DCAF1: variants seen among roughly 807,000 people sequenced by gnomAD.
DCAF1 encodes DDB1 and CUL4 associated factor 1.
In DCAF1, 15 loss-of-function variants were observed where a neutral mutation model predicts 128.0. The observed-to-expected ratio is 0.12, with a 90% CI of 0.08 to 0.18. The LOEUF is 0.18. Ranked by LOEUF, DCAF1 falls within the 10% of genes least tolerant of loss-of-function variation. DCAF1 has a pLI of 1.00. For synonymous variants in DCAF1, 610 were observed against 603.0 expected (o/e 1.01, Z -0.17); for missense variants, 988 against 1,649.5 (o/e 0.60, Z 6.95).
At position 51,398,555 on chromosome 3, in the gene DCAF1, G is replaced by A. The variant is rs1406652492; in HGVS notation, c.*214C>T. The A allele has an allele frequency of 2.2e-5, 13 of 595,736 alleles. No homozygotes were observed. Among genetic ancestry groups the A allele is most frequent in the African/African-American group, 1.5e-4 (8 of 53,360 alleles). The allele number at this position is 595,736 out of a possible 1,614,324, so 36.9% of individuals were successfully genotyped here. A position where few individuals can be genotyped will look rare whatever the true frequency, so the allele number is the denominator to read the frequency against. ...GGTGGATGTGGGGGGTGCAGAGTAG[G>A]GCCTAGTCCCTGTTGTCATTTTTGT... On this transcript the variant is annotated 3_prime_UTR_variant, in exon 25 of 25. Transcript: ENST00000684031.
At position 51,446,993 on chromosome 3, in the gene DCAF1, T is replaced by TAATAATAATAATAATAATAAA. The variant is rs1457860366; in HGVS notation, c.376-3091_376-3090insTTTATTATTATTATTATTATT. Among the ~76,000 whole-genome samples the TAATAATAATAATAATAATAAA allele has an allele frequency of 7.2e-3, 1,063 of 147,502 alleles. 16 individuals carry two copies. Among genetic ancestry groups the TAATAATAATAATAATAATAAA allele is most frequent in the Non-Finnish European group, 8.0e-3 (537 of 66,976 alleles). ...ATAATAATAATAATAATAATAATAA[T>TAATAATAATAATAATAATAAA]AATAATAAAATGTTTTAAATATTTT... On this transcript the variant is annotated intron_variant, in intron 6 of 24. Coordinates refer to ENST00000684031, the MANE Select transcript of DCAF1 (RefSeq NM_001387579.1).
chr3:51,498,005 G>A (rs1553662132), intron 1 of DCAF1, among the ~76,000 whole-genome samples: 1 of 124,952 alleles, frequency 8.0e-6, no homozygotes, highest in Non-Finnish European at 1.6e-5. Context: ...AGCTGAGATC[G>A]CGCCACTGCA....
At chr3:51,441,207 C>A in intron 8 of DCAF1, 136 bp from the exon 9 acceptor site, 1 of 1,156,660 alleles carries the variant, frequency 8.6e-7, no homozygotes, top group Non-Finnish European at 1.2e-6. Context: ...CGTGTAAATG[C>A]ACTTTAATCA....
At chr3:51,446,792 T>C (rs1308950192) in intron 6 of DCAF1, among the ~76,000 whole-genome samples, 1 of 151,104 alleles carries the variant, frequency 6.6e-6, no homozygotes, top group Non-Finnish European at 1.5e-5. Context: ...GAAACCCCCA[T>C]CTTTACTAAA....
intron 6 of DCAF1, among the ~76,000 whole-genome samples, chr3:51,461,613 G>A (rs575388530): frequency 2.1e-3 from 319 of 152,224 alleles, no homozygotes; most frequent in Admixed American, 4.3e-3. Flanking sequence ...ACATTCACAC[G>A]TATGTTTATT....
chr3:51,451,223 G>C (rs146018056), intron 6 of DCAF1, among the ~76,000 whole-genome samples: 1 of 150,200 alleles, frequency 6.7e-6, no homozygotes, highest in African/African-American at 2.4e-5. Flanking sequence ...CAACTAGCCA[G>C]GACTACAGCC....
chr3:51,405,772 C>G (rs1234492596), intron 23 of DCAF1, among the ~76,000 whole-genome samples: 1 of 152,174 alleles, frequency 6.6e-6, no homozygotes, highest in Non-Finnish European at 1.5e-5. Flanking sequence ...CTCTGCTGGT[C>G]AAGTAACTGG....
In DCAF1 at chr3:51,413,943, T is replaced by G; in HGVS notation, c.3931+7A>C. Reference sequence around the variant, plus strand: ...GAAAGAGAATAATGAAGGATAAGGTTTATTACCTCCATACATCACTGTTCC... The same window carrying G: ...GAAAGAGAATAATGAAGGATAAGGTGTATTACCTCCATACATCACTGTTCC... On this transcript the variant is annotated splice_region_variant and intron_variant, in intron 20 of 24. Coordinates refer to ENST00000684031, the MANE Select transcript of DCAF1 (RefSeq NM_001387579.1). 6.5e-7 allele frequency: 1 copy of G among 1,537,580 alleles called. No individual in the cohort carries two copies. Among genetic ancestry groups the G allele is most frequent in the Non-Finnish European group, 8.8e-7 (1 of 1,140,426 alleles).
intron 5 of DCAF1, among the ~76,000 whole-genome samples, chr3:51,466,602 C>T (rs192482017): frequency 2.7e-4 from 41 of 152,112 alleles, no homozygotes; most frequent in Admixed American, 7.2e-4. Flanking sequence ...CAAGAATGAG[C>T]GTAGATACCT....
intron 7 of DCAF1, 25 bp from the exon 8 acceptor site, chr3:51,441,922 A>G: frequency 8.3e-6 from 13 of 1,556,932 alleles, no homozygotes; most frequent in Non-Finnish European, 9.5e-6. Flanking sequence ...TTGGAGAAAA[A>G]GGGGGTGCCT....
rs76946730 is a variant in DCAF1 at position 51,426,608 on chromosome 3, T to C, written c.1847+764A>G. 9.4e-3 allele frequency among the ~76,000 whole-genome samples: 1,432 copies of C among 152,338 alleles called. 28 individuals are homozygous for C. The highest frequency in any genetic ancestry group is 0.033 in the African/African-American group (1,355 of 41,568). On this transcript the variant is annotated intron_variant, in intron 13 of 24. Coordinates refer to ENST00000684031, the MANE Select transcript of DCAF1 (RefSeq NM_001387579.1). ...AAAAGCCTTTTAGAGTTCTCAGTAA[T>C]TATTAATATGGTAAAGGTATCTTGA...
chr3:51,447,388 T>C (rs1701981765), intron 6 of DCAF1, among the ~76,000 whole-genome samples: 1 of 151,920 alleles, frequency 6.6e-6, no homozygotes, highest in Non-Finnish European at 1.5e-5. Flanking sequence ...CCAACCTAGG[T>C]GACAGAGCAA....
Position 51,398,786 on chromosome 3 carries a change from A to T in DCAF1, c.4507T>A (p.Leu1503Ile), listed in dbSNP as rs1220333156. The change falls in exon 25 of 25, where the codon TTA becomes ATA. Residue 1503 changes from leucine (L) to isoleucine (I), a missense_variant. Transcript: ENST00000684031. ...ATGGCTCCTCACTCATTCAGAGATA[A>T]GATGATGTCATCTTCCAAATCAGAG... ...DNSDLEDDII[L>I]SLNE 1.5e-5 allele frequency: 24 copies of T among 1,591,116 alleles called. No individual in the cohort carries two copies. Among genetic ancestry groups the T allele is most frequent in the Non-Finnish European group, 1.8e-5 (21 of 1,168,286 alleles).
At chr3:51,486,612 C>G (rs767807741) in intron 2 of DCAF1, among the ~76,000 whole-genome samples, 1 of 151,990 alleles carries the variant, frequency 6.6e-6, no homozygotes, top group Non-Finnish European at 1.5e-5. Flanking sequence ...CTGCTATCTA[C>G]TAACTATACA....
At chr3:51,497,052 T>C (rs1553661255) in intron 1 of DCAF1, among the ~76,000 whole-genome samples, 7 of 152,198 alleles carry the variant, frequency 4.6e-5, no homozygotes. Flanking sequence ...CCTAGCACTT[T>C]GGGAGACTGA....
intron 23 of DCAF1, among the ~76,000 whole-genome samples, chr3:51,410,692 G>A (rs1167864947): frequency 6.6e-6 from 1 of 152,216 alleles, no homozygotes; most frequent in African/African-American, 2.4e-5. Flanking sequence ...TGTTTTGAAA[G>A]GACGCTAAGA....
At chr3:51,426,540 T>G (rs537756629) in intron 13 of DCAF1, among the ~76,000 whole-genome samples, 1 of 152,284 alleles carries the variant, frequency 6.6e-6, no homozygotes, top group Non-Finnish European at 1.5e-5. Context: ...ATTTTTACAT[T>G]TTCTGTTTTA....
intron 3 of DCAF1, among the ~76,000 whole-genome samples, chr3:51,472,928 A>T (rs1704929065): frequency 6.6e-6 from 1 of 151,304 alleles, no homozygotes; most frequent in African/African-American, 2.4e-5. Flanking sequence ...GCCTCCTAAA[A>T]GTGCTGGTTA....
At position 51,486,185 on chromosome 3, in the gene DCAF1, G is replaced by A. The variant is rs571925839; in HGVS notation, c.-8-2349C>T. Among the ~76,000 whole-genome samples, 59 of 148,286 alleles carry A rather than the reference G, an allele frequency of 4.0e-4. No homozygotes were observed. In the East Asian group the frequency reaches 8.5e-3, roughly 21 times the overall value. ...GATTACAGCTGTGAAAACCACACCC[G>A]GCAGATTCTTTTTTTTTTTTTTTTT... On this transcript the variant is annotated intron_variant, in intron 2 of 24. Coordinates refer to ENST00000684031, the MANE Select transcript of DCAF1 (RefSeq NM_001387579.1).
Sources: gnomAD v4.1 joint callset for allele counts (sites outside exome capture counted in the v4.1 genomes callset) on GRCh38, gnomAD v4.1.1 for gene constraint, MANE v1.5 for transcripts, NCBI Gene and HGNC (gene_info 2026-07-23, HGNC 2026-07-21) for gene names.